PALS1: variants seen among roughly 807,000 people sequenced by gnomAD.
PALS1 encodes protein PALS1.
PALS1 carries 31 observed loss-of-function variants against 78.9 expected under a neutral mutation model. That is an observed-to-expected ratio of 0.39 (90% CI 0.30 to 0.53). The LOEUF is 0.53. PALS1 is among the 20% of genes least tolerant of loss of function. The probability of loss-of-function intolerance (pLI) is 0.67; values close to 1 mark genes in which losing one functional copy is unlikely to be tolerated. For synonymous variants in PALS1, 276 were observed against 270.9 expected, an observed-to-expected ratio of 1.02 and a Z score of -0.18; for missense variants, 704 against 826.5, an observed-to-expected ratio of 0.85 and a Z score of 1.82.
chr14:67,296,322 C>T (rs967790125), intron 4 of PALS1, among the ~76,000 whole-genome samples: 2 of 151,848 alleles, frequency 1.3e-5, no homozygotes, highest in Admixed American at 6.6e-5. Flanking sequence ...GTCCAGACGC[C>T]GGATGCAGTG....
At chr14:67,260,984 T>TG (rs2084226913) in intron 1 of PALS1, among the ~76,000 whole-genome samples, 3 of 151,772 alleles carry the variant, frequency 2.0e-5, no homozygotes, top group African/African-American at 7.3e-5. Context: ...TGCCCTGGAG[T>TG]CAAGCAGACT....
intron 3 of PALS1, among the ~76,000 whole-genome samples, chr14:67,283,421 A>G (rs1306010943): frequency 2.0e-5 from 3 of 152,174 alleles, no homozygotes; most frequent in African/African-American, 7.2e-5. Flanking sequence ...AAACTTTTTT[A>G]AAGGTTGGCT....
intron 1 of PALS1, among the ~76,000 whole-genome samples, chr14:67,248,318 T>G (rs186491481): frequency 1.4e-3 from 216 of 152,154 alleles, no homozygotes; most frequent in African/African-American, 5.0e-3. Context: ...CCCAGGAGTT[T>G]GAGTCCAGCT....
intron 14 of PALS1, among the ~76,000 whole-genome samples, chr14:67,331,440 T>C (rs1355459880): frequency 6.6e-6 from 1 of 152,052 alleles, no homozygotes; most frequent in African/African-American, 2.4e-5. Flanking sequence ...GCTAAGAAAA[T>C]GATGGCGTTA....
chr14:67,251,008 A>T (rs1212490024), intron 1 of PALS1, among the ~76,000 whole-genome samples: 1 of 152,142 alleles, frequency 6.6e-6, no homozygotes, highest in Admixed American at 6.5e-5. Context: ...CTTTGTCAGC[A>T]TTCTTCTTTT....
At chr14:67,253,168 A>G (rs1027628693) in intron 1 of PALS1, among the ~76,000 whole-genome samples, 4 of 152,206 alleles carry the variant, frequency 2.6e-5, no homozygotes, top group Non-Finnish European at 4.4e-5. Flanking sequence ...CTGATTCCTT[A>G]TCTGCAGAAT....
At chr14:67,260,661 C>T (rs1333911361) in intron 1 of PALS1, among the ~76,000 whole-genome samples, 1 of 151,992 alleles carries the variant, frequency 6.6e-6, no homozygotes, top group East Asian at 1.9e-4. Context: ...AGGATTTTTT[C>T]TTGGTATAAG....
At chr14:67,269,074 C>A (rs1484008895) in intron 1 of PALS1, among the ~76,000 whole-genome samples, 1 of 152,144 alleles carries the variant, frequency 6.6e-6, no homozygotes, top group Admixed American at 6.5e-5. Flanking sequence ...TACTTTTTGT[C>A]TCTCTATATT....
chr14:67,241,657 A>C (rs902027413), intron 1 of PALS1, 124 bp downstream of exon 1: 100 of 152,428 alleles, frequency 6.6e-4, no homozygotes, highest in Non-Finnish European at 1.3e-3. Flanking sequence ...AACTCCGGCC[A>C]GCGGGAGACC....
chr14:67,289,118 C>T (rs749454535), intron 3 of PALS1, among the ~76,000 whole-genome samples: 1 of 145,018 alleles, frequency 6.9e-6, no homozygotes, highest in Non-Finnish European at 1.5e-5. Flanking sequence ...AGGAGCACAC[C>T]GCCATAACTG....
At chr14:67,268,875 G>T (rs1379834937) in intron 1 of PALS1, among the ~76,000 whole-genome samples, 2 of 152,168 alleles carry the variant, frequency 1.3e-5, no homozygotes, top group Admixed American at 1.3e-4. Flanking sequence ...CCCTATTCAA[G>T]ATGGAGTTGT....
chr14:67,284,466 T>C (rs1449979799), intron 3 of PALS1, among the ~76,000 whole-genome samples: 1 of 128,414 alleles, frequency 7.8e-6, no homozygotes, highest in Non-Finnish European at 1.5e-5. Flanking sequence ...GGTGGTATGC[T>C]TCTGTAGTCC....
At chr14:67,312,923 CT>C (rs1400660720) in intron 9 of PALS1, among the ~76,000 whole-genome samples, 4 of 152,118 alleles carry the variant, frequency 2.6e-5, no homozygotes. Context: ...TTATGTATAA[CT>C]TCAGCCAATC....
At chr14:67,310,215 T>C (rs1430671524) in intron 8 of PALS1, among the ~76,000 whole-genome samples, 2 of 152,182 alleles carry the variant, frequency 1.3e-5, no homozygotes, top group African/African-American at 4.8e-5. Flanking sequence ...AAATTCATTT[T>C]TAGTGCTGAC....
Position 67,241,551 on chromosome 14 carries a change from G to C in PALS1, c.-237+18G>C, listed in dbSNP as rs561717473. ...GCGTGGAGGTAAGAGGCGGATCGGC[G>C]GCGGCTGGGCTGTAGAGATCTTAAT... On this transcript the variant is annotated intron_variant, in intron 1 of 14. Coordinates refer to ENST00000261681, the MANE Select transcript of PALS1 (RefSeq NM_022474.4). 1 of 153,114 alleles carries C rather than the reference G, an allele frequency of 6.5e-6. No homozygotes were observed. Among genetic ancestry groups the C allele is most frequent in the South Asian group, 2.1e-4 (1 of 4,858 alleles). The allele number at this position is 153,114 out of a possible 1,614,324, so 9.5% of individuals were successfully genotyped here.
chr14:67,292,279 A>G (rs1261460103), intron 3 of PALS1, among the ~76,000 whole-genome samples: 2 of 152,156 alleles, frequency 1.3e-5, no homozygotes, highest in African/African-American at 4.8e-5. Flanking sequence ...AATGTGTATT[A>G]GTTTTATAAT....
intron 4 of PALS1, among the ~76,000 whole-genome samples, chr14:67,295,520 GA>G (rs2084835678): frequency 6.7e-6 from 1 of 148,352 alleles, no homozygotes; most frequent in Non-Finnish European, 1.5e-5. Flanking sequence ...AAATTAATAA[GA>G]AAAAAAGACT....
At chr14:67,257,712 T>TA (rs2084168105) in intron 1 of PALS1, among the ~76,000 whole-genome samples, 2 of 152,054 alleles carry the variant, frequency 1.3e-5, no homozygotes, top group African/African-American at 4.8e-5. Context: ...TCACTAGAAA[T>TA]ATGAAGGTAA....
chr14:67,292,919 CTG>C (rs1221217066), intron 4 of PALS1, among the ~76,000 whole-genome samples, 200 bp downstream of exon 4: 1 of 152,100 alleles, frequency 6.6e-6, no homozygotes, highest in African/African-American at 2.4e-5. Flanking sequence ...AGTCAGAACA[CTG>C]TTTCATGAAG....
Sources: allele counts gnomAD v4.1 joint callset (sites outside exome capture counted in the v4.1 genomes callset), GRCh38; gene constraint gnomAD v4.1.1; transcripts MANE v1.5; gene names NCBI Gene and HGNC (gene_info 2026-07-23, HGNC 2026-07-21).